ZFAND3: variants seen among roughly 807,000 people sequenced by gnomAD.
ZFAND3 encodes the protein zinc finger AN1-type containing 3.
A neutral mutation model predicts 29.6 loss-of-function variants in ZFAND3; 10 were observed. That is an observed-to-expected ratio of 0.34 (90% CI 0.21 to 0.57). ZFAND3 has a LOEUF of 0.57. Ranked by LOEUF, ZFAND3 falls within the 20% of genes least tolerant of loss-of-function variation. The probability of loss-of-function intolerance (pLI) is 0.86; values close to 1 mark genes in which losing one functional copy is unlikely to be tolerated. For missense variants in ZFAND3, 230 were observed against 304.5 expected, an observed-to-expected ratio of 0.76 and a Z score of 1.82; for synonymous variants, 128 against 112.6, an observed-to-expected ratio of 1.14 and a Z score of -0.87.
chr6:37,914,076 A>G (rs1761184126), intron 1 of ZFAND3, among the ~76,000 whole-genome samples: 1 of 152,088 alleles, frequency 6.6e-6, no homozygotes, highest in Admixed American at 6.6e-5. Context: ...GAAAGCTGAA[A>G]TGATTCCTTG....
intron 4 of ZFAND3, among the ~76,000 whole-genome samples, chr6:38,089,535 A>G (rs1764823755): frequency 6.6e-6 from 1 of 152,206 alleles, no homozygotes; most frequent in African/African-American, 2.4e-5. Context: ...TGTGCTGAAC[A>G]CTTTCACATC....
chr6:38,148,429 G>A (rs574053673), intron 5 of ZFAND3, among the ~76,000 whole-genome samples: 5 of 152,196 alleles, frequency 3.3e-5, no homozygotes, highest in Admixed American at 1.3e-4. Context: ...GGATGCCACC[G>A]TCCTTGGCCC....
chr6:37,914,599 A>G (rs1761198399), intron 1 of ZFAND3, among the ~76,000 whole-genome samples: 1 of 152,078 alleles, frequency 6.6e-6, no homozygotes. Flanking sequence ...TTGGCCTCCC[A>G]AAGTGCTGGG....
In ZFAND3 at chr6:38,088,775, G is replaced by A. The variant is rs531903009; in HGVS notation, c.361+6318G>A. Among the ~76,000 whole-genome samples, 4 of 152,268 alleles carry A rather than the reference G, an allele frequency of 2.6e-5. No individual in the cohort carries two copies. In the South Asian group the frequency reaches 6.2e-4, roughly 24 times the overall value. ...AAAGGATGGTTAAAACATGCTGTGTGTATGTTTAAAATGTGATTATAATTA... is the reference window on the plus strand; with the variant it reads ...AAAGGATGGTTAAAACATGCTGTGTATATGTTTAAAATGTGATTATAATTA... On this transcript the variant is annotated intron_variant, in intron 4 of 5. Transcript: ENST00000287218.
chr6:37,850,969 G>A (rs778876774), intron 1 of ZFAND3, among the ~76,000 whole-genome samples: 44 of 150,916 alleles, frequency 2.9e-4, no homozygotes, highest in Non-Finnish European at 5.2e-4. Context: ...GGTTTTATCT[G>A]TCTTGTCTCT....
intron 1 of ZFAND3, among the ~76,000 whole-genome samples, chr6:37,859,033 A>C (rs1764433367): frequency 1.3e-5 from 2 of 152,170 alleles, no homozygotes; most frequent in Non-Finnish European, 2.9e-5. Context: ...TTTCTGATAC[A>C]CGTATGTTTT....
intron 2 of ZFAND3, among the ~76,000 whole-genome samples, chr6:38,050,164 A>G (rs1458078282): frequency 2.0e-5 from 3 of 151,858 alleles, no homozygotes; most frequent in Non-Finnish European, 4.4e-5. Context: ...CGTGTTGCCC[A>G]GGCTGGTCTT....
At chr6:38,053,544 C>T (rs1470080111) in intron 2 of ZFAND3, among the ~76,000 whole-genome samples, 1 of 151,998 alleles carries the variant, frequency 6.6e-6, no homozygotes, top group African/African-American at 2.4e-5. Flanking sequence ...ATTAGCCACA[C>T]GTGGTGTTGC....
At chr6:38,029,357 C>T (rs974333850) in intron 2 of ZFAND3, among the ~76,000 whole-genome samples, 1 of 152,120 alleles carries the variant, frequency 6.6e-6, no homozygotes, top group Non-Finnish European at 1.5e-5. Flanking sequence ...TTCTGATTTT[C>T]GTTTTATGTT....
At chr6:37,918,951 C>CTTTGTTTTTTTTTTTTTT (rs1761318978) in intron 1 of ZFAND3, among the ~76,000 whole-genome samples, 1 of 104,738 alleles carries the variant, frequency 9.5e-6, no homozygotes, top group African/African-American at 4.1e-5. Flanking sequence ...TGAAAAATGC[C>CTTTGTTTTTTTTTTTTTT]TTTTTTTTTT....
intron 1 of ZFAND3, among the ~76,000 whole-genome samples, chr6:37,863,192 ACTCT>A (rs1453328611): frequency 9.9e-5 from 15 of 152,196 alleles, no homozygotes; most frequent in African/African-American, 3.4e-4. Flanking sequence ...TGCTTTATTT[ACTCT>A]TGCCAGAGGC....
At position 38,154,129 on chromosome 6, in the gene ZFAND3, G is replaced by C; in HGVS notation, c.*1740G>C. On this transcript the variant is annotated 3_prime_UTR_variant, in exon 6 of 6. Transcript: ENST00000287218. ...AACCCAGGGCAGAGGGGCCAGGTCTGCCCAGCGTTTACCACTGCTGTCAAG... is the reference window on the plus strand; with the variant it reads ...AACCCAGGGCAGAGGGGCCAGGTCTCCCCAGCGTTTACCACTGCTGTCAAG... The C allele has an allele frequency of 1.0e-6, 1 of 985,578 alleles. No homozygotes were observed. The highest frequency in any genetic ancestry group is 1.1e-4 in the East Asian group (1 of 8,824). The allele number at this position is 985,578 out of a possible 1,614,324, so 61.1% of individuals were successfully genotyped here.
intron 2 of ZFAND3, among the ~76,000 whole-genome samples, chr6:37,992,382 C>T (rs549314190): frequency 1.3e-5 from 2 of 152,300 alleles, no homozygotes; most frequent in South Asian, 4.1e-4. Context: ...TTCTTCTCCT[C>T]TATCAACTTT....
intron 2 of ZFAND3, among the ~76,000 whole-genome samples, chr6:38,016,749 C>G (rs780013365): frequency 6.6e-6 from 1 of 152,068 alleles, no homozygotes; most frequent in Admixed American, 6.6e-5. Flanking sequence ...GGAAAAATTC[C>G]TTTTTGCAAA....
intron 4 of ZFAND3, among the ~76,000 whole-genome samples, chr6:38,102,494 A>G (rs1765114481): frequency 1.3e-5 from 2 of 152,130 alleles, no homozygotes; most frequent in African/African-American, 4.8e-5. Context: ...TCAGGGCCAG[A>G]TTAGGTTAAC....
intron 2 of ZFAND3, among the ~76,000 whole-genome samples, chr6:37,989,185 G>A (rs1325155531): frequency 6.6e-6 from 1 of 152,232 alleles, no homozygotes; most frequent in Non-Finnish European, 1.5e-5. Flanking sequence ...TGGGATTATA[G>A]GCATGAGCCA....
intron 2 of ZFAND3, among the ~76,000 whole-genome samples, chr6:38,043,110 C>T (rs186743587): frequency 9.9e-5 from 15 of 152,196 alleles, no homozygotes; most frequent in Admixed American, 7.2e-4. Flanking sequence ...ATTACAAAGT[C>T]AGAAGTTTTA....
In ZFAND3 at chr6:37,902,737, C is replaced by CTTTTTT. The variant is rs11448512; in HGVS notation, c.72-27204_72-27199dup. 5.2e-4 allele frequency among the ~76,000 whole-genome samples: 52 copies of CTTTTTT among 100,402 alleles called. 2 individuals carry two copies. In the East Asian group the frequency reaches 8.1e-3, roughly 16 times the overall value. The allele number at this position is 100,402 out of a possible 152,430, so 65.9% of individuals were successfully genotyped here. A position where few individuals can be genotyped will look rare whatever the true frequency, so the allele number is the denominator to read the frequency against. The stretch of plus-strand genomic sequence containing the variant: ...TGCAGCAGCAAGCTTCTTTTACTTA[C>CTTTTTT]TTTTTTTTTTTTTTTTTTTTTTTAA... On this transcript the variant is annotated intron_variant, in intron 1 of 5. Coordinates refer to ENST00000287218, the MANE Select transcript of ZFAND3 (RefSeq NM_021943.3).
At chr6:38,045,066 AT>A (rs755068308) in intron 2 of ZFAND3, among the ~76,000 whole-genome samples, 81 of 138,798 alleles carry the variant, frequency 5.8e-4, no homozygotes, top group Non-Finnish European at 1.0e-3. Context: ...TTATTTATTT[AT>A]TTATTTATTT....
Sources: allele counts gnomAD v4.1 joint callset (sites outside exome capture counted in the v4.1 genomes callset), GRCh38; gene constraint gnomAD v4.1.1; transcripts MANE v1.5; gene names NCBI Gene and HGNC (gene_info 2026-07-23, HGNC 2026-07-21).